Variants in SEM1 observed in about 807,000 individuals in gnomAD.
SEM1 encodes the protein 26S proteasome complex subunit SEM1.
In SEM1, 3 loss-of-function variants were observed where a neutral mutation model predicts 12.7. The observed-to-expected ratio is 0.24, with a 90% CI of 0.11 to 0.61. The LOEUF is 0.61. Ranked by LOEUF, SEM1 falls within the 20% of genes least tolerant of loss-of-function variation. The pLI is 0.88. For synonymous variants in SEM1, 30 were observed against 27.8 expected, an observed-to-expected ratio of 1.08 and a Z score of -0.25; for missense variants, 59 against 81.3, an observed-to-expected ratio of 0.73 and a Z score of 1.06.
chr7:96,622,516 A>G (rs906674295), downstream of SEM1: 47 of 695,208 alleles, frequency 6.8e-5, no homozygotes, highest in Non-Finnish European at 1.1e-4. Flanking sequence ...AAGTTGCTGG[A>G]AGCTCTCATA....
chr7:96,536,442 C>G (rs769358535), intron 2 of SEM1, among the ~76,000 whole-genome samples: 1 of 151,764 alleles, frequency 6.6e-6, no homozygotes, highest in Non-Finnish European at 1.5e-5. Flanking sequence ...GTTGATGGAT[C>G]ATGCTGGTCA....
intron 2 of SEM1, among the ~76,000 whole-genome samples, chr7:96,529,771 A>G (rs1804586098): frequency 6.6e-6 from 1 of 152,154 alleles, no homozygotes; most frequent in Non-Finnish European, 1.5e-5. Context: ...ATACAAATAA[A>G]ATGTTTTTCA....
chr7:96,635,827 T>A (rs1037321901), intron 2 of SEM1, among the ~76,000 whole-genome samples: 3 of 152,022 alleles, frequency 2.0e-5, no homozygotes, highest in Admixed American at 6.6e-5. Flanking sequence ...TAAAATCAGT[T>A]CAAACCAGCA....
intron 2 of SEM1, among the ~76,000 whole-genome samples, chr7:96,519,072 G>GTGAA (rs1804187574): frequency 6.6e-6 from 1 of 152,104 alleles, no homozygotes; most frequent in Admixed American, 6.6e-5. Context: ...GATGGAGGGG[G>GTGAA]TGAAGCATTT....
intron 2 of SEM1, among the ~76,000 whole-genome samples, chr7:96,626,770 T>G (rs1477758230): frequency 1.3e-5 from 2 of 152,112 alleles, no homozygotes; most frequent in Non-Finnish European, 2.9e-5. Flanking sequence ...TGTATCTGTC[T>G]GATTTTGGTA....
intron 2 of SEM1, among the ~76,000 whole-genome samples, chr7:96,663,631 G>C (rs939512867): frequency 6.6e-5 from 10 of 152,160 alleles, no homozygotes; most frequent in African/African-American, 2.4e-4. Context: ...TGACCCAAAG[G>C]TGTGGCTAAT....
chr7:96,575,604 T>C (rs1177151133), intron 2 of SEM1, among the ~76,000 whole-genome samples: 2 of 152,138 alleles, frequency 1.3e-5, no homozygotes, highest in African/African-American at 4.8e-5. Flanking sequence ...CCCAGGGAGA[T>C]GGGAGTTTTA....
At chr7:96,564,382 C>G (rs1042383306) in intron 2 of SEM1, among the ~76,000 whole-genome samples, 2 of 151,648 alleles carry the variant, frequency 1.3e-5, no homozygotes, top group South Asian at 4.2e-4. Flanking sequence ...AAGCTGAAAA[C>G]GTAAGATGGG....
At chr7:96,529,575 TA>T (rs1310094018) in intron 2 of SEM1, among the ~76,000 whole-genome samples, 1 of 152,042 alleles carries the variant, frequency 6.6e-6, no homozygotes, top group African/African-American at 2.4e-5. Flanking sequence ...ATTTTTGCAT[TA>T]GGAATAAAAT....
intron 2 of SEM1, among the ~76,000 whole-genome samples, chr7:96,610,216 C>G (rs2116232714): frequency 6.6e-6 from 1 of 152,168 alleles, no homozygotes; most frequent in Non-Finnish European, 1.5e-5. Context: ...TCTCCTGCCT[C>G]AGCCTCTCAA....
rs996025786 is a variant in SEM1, at chr7:96,574,607, G to A, written c.171-67909C>T. Among the ~76,000 whole-genome samples, 3 of 152,054 alleles carry A rather than the reference G, an allele frequency of 2.0e-5. No homozygotes were observed. The East Asian group carries it at 5.8e-4, about 29-fold the overall frequency. ...TCCTCTCCAGCTACTGTTGTTTCCT[G>A]ACTTTTTAATGATCGCACATGGTCC... is the stretch of plus-strand genomic sequence containing the variant. On this transcript the variant is annotated intron_variant and NMD_transcript_variant, in intron 2 of 3. Transcript: ENST00000466986.
intron 1 of SEM1, 28 bp downstream of exon 1, chr7:96,709,660 G>A (rs761234845): frequency 5.0e-6 from 8 of 1,609,254 alleles, no homozygotes; most frequent in South Asian, 3.3e-5. Context: ...CCGTTCGCGC[G>A]ACACAGAAAC....
intron 1 of SEM1, among the ~76,000 whole-genome samples, chr7:96,705,115 C>T (rs1790407644): frequency 1.3e-5 from 2 of 152,122 alleles, no homozygotes; most frequent in African/African-American, 4.8e-5. Context: ...AGGGGATCAC[C>T]AGTCTGTTGT....
At position 96,677,261 on chromosome 7, in the gene SEM1, T is replaced by C. The variant is rs150989634; in HGVS notation, c.171-3402A>G. ...GAAGATAATCGAGAGAAGGGAATTATCTTTATTGTGTAACAGGTCTCCCGA... is the reference window on the plus strand; with the variant it reads ...GAAGATAATCGAGAGAAGGGAATTACCTTTATTGTGTAACAGGTCTCCCGA... On this transcript the variant is annotated intron_variant, in intron 2 of 2. Coordinates refer to the SEM1 transcript ENST00000413065. Among the ~76,000 whole-genome samples, 31 of 152,274 alleles carry C rather than the reference T, an allele frequency of 2.0e-4. No homozygotes were observed. In the East Asian group the frequency reaches 5.2e-3, roughly 26 times the overall value.
At chr7:96,490,302 CA>C in intron 1 of SEM1, among the ~76,000 whole-genome samples, 1 of 152,286 alleles carries the variant, frequency 6.6e-6, no homozygotes. Context: ...GACCTTTCCT[CA>C]AACAACAAAA....
At chr7:96,614,393 T>C (rs1208081193) in intron 2 of SEM1, among the ~76,000 whole-genome samples, 2 of 152,206 alleles carry the variant, frequency 1.3e-5, no homozygotes, top group African/African-American at 2.4e-5. Flanking sequence ...GTTTTCTAGA[T>C]AAAGTTCCTC....
At chr7:96,704,102 G>A (rs182283873) in intron 1 of SEM1, among the ~76,000 whole-genome samples, 19 of 151,832 alleles carry the variant, frequency 1.3e-4, no homozygotes, top group Admixed American at 7.9e-4. Flanking sequence ...GAGGGCATGA[G>A]GTAGATTTTT....
intron 2 of SEM1, among the ~76,000 whole-genome samples, chr7:96,682,192 T>C (rs1789634204): frequency 6.6e-6 from 1 of 152,124 alleles, no homozygotes; most frequent in Non-Finnish European, 1.5e-5. Flanking sequence ...TTTTTGTCTG[T>C]TCTTGGTGTA....
At chr7:96,490,173 A>G (rs1240615926) in intron 1 of SEM1, among the ~76,000 whole-genome samples, 2 of 152,180 alleles carry the variant, frequency 1.3e-5, no homozygotes, top group East Asian at 3.9e-4. Flanking sequence ...ATTCACGGTC[A>G]TCACAACATA....
Sources: allele counts gnomAD v4.1 joint callset (sites outside exome capture counted in the v4.1 genomes callset), GRCh38; gene constraint gnomAD v4.1.1; transcripts MANE v1.5; gene names NCBI Gene and HGNC (gene_info 2026-07-23, HGNC 2026-07-21).